CCDC171: variants seen among roughly 807,000 people sequenced by gnomAD.
CCDC171 encodes the protein coiled-coil domain-containing protein 171.
CCDC171 carries 177 observed loss-of-function variants against 168.2 expected under a neutral mutation model. That is an observed-to-expected ratio of 1.05 (90% CI 0.93 to 1.19). The LOEUF is 1.19. CCDC171 is among the 50% of genes most tolerant of loss of function. The probability of loss-of-function intolerance (pLI) is 0.00; values close to 1 mark genes in which losing one functional copy is unlikely to be tolerated. For synonymous variants in CCDC171, 687 were observed against 540.8 expected (o/e 1.27, Z -3.75); for missense variants, 1,991 against 1,539.0 (o/e 1.29, Z -4.91).
chr9:16,097,957 C>G, the CCDC171 span, among the ~76,000 whole-genome samples: 1 of 152,168 alleles, frequency 6.6e-6, no homozygotes, highest in African/African-American at 2.4e-5. Context: ...CAGTCAGCTT[C>G]ATGTTAGGAA....
intron 9 of CCDC171, among the ~76,000 whole-genome samples, chr9:15,669,952 T>TAAAAAAAAAAA (rs34465887): frequency 8.9e-6 from 1 of 112,328 alleles, no homozygotes; most frequent in Non-Finnish European, 1.8e-5. Flanking sequence ...GCTGAAGTCT[T>TAAAAAAAAAAA]AAAAAAAAAA....
chr9:15,939,506 T>C (rs2132268900), intron 25 of CCDC171, among the ~76,000 whole-genome samples: 1 of 151,992 alleles, frequency 6.6e-6, no homozygotes, highest in Non-Finnish European at 1.5e-5. Flanking sequence ...CAAAAGAGTT[T>C]AAATTGGTCA....
intron 6 of CCDC171, among the ~76,000 whole-genome samples, chr9:15,597,724 C>A (rs576519127): frequency 6.6e-6 from 1 of 152,112 alleles, no homozygotes; most frequent in Non-Finnish European, 1.5e-5. Context: ...GGAATGGTAC[C>A]AGCTCCTCCT....
At position 15,623,374 on chromosome 9, in the gene CCDC171, T is replaced by C; in HGVS notation, c.783T>C (p.Phe261=). ...GGCGACAAACAAGTGAACTTGAATT[T>C]AGCACTCAACGAGAGGAACGCCTTA... ...LLRRQTSELE[F]STQREERLRK... Residue 261 remains phenylalanine, a synonymous_variant, in exon 7 of 26, where the codon TTT becomes TTC. Coordinates refer to ENST00000380701, the MANE Select transcript of CCDC171 (RefSeq NM_173550.4). 1 of 1,612,338 alleles carries C rather than the reference T, an allele frequency of 6.2e-7. No homozygotes were observed. The highest frequency in any genetic ancestry group is 8.5e-7 in the Non-Finnish European group (1 of 1,178,972).
intron 21 of CCDC171, among the ~76,000 whole-genome samples, chr9:15,817,601 C>T (rs1299918612): frequency 1.7e-5 from 2 of 118,338 alleles, no homozygotes; most frequent in South Asian, 2.8e-4. Flanking sequence ...TCATTGCTAG[C>T]ACAGCAGTCT....
chr9:15,857,934 G>C (rs1230390307), intron 23 of CCDC171, among the ~76,000 whole-genome samples: 4 of 151,064 alleles, frequency 2.6e-5, no homozygotes, highest in Non-Finnish European at 5.9e-5. Context: ...CTATAGTTTT[G>C]ATATATATAT....
At chr9:16,065,703 C>T (rs1455110905), downstream of CCDC171, among the ~76,000 whole-genome samples, 8 of 152,036 alleles carry the variant, frequency 5.3e-5, no homozygotes, top group African/African-American at 9.7e-5. Context: ...AATCATGGGC[C>T]ACTTGTCCCT....
intron 10 of CCDC171, among the ~76,000 whole-genome samples, chr9:15,692,013 A>T (rs186192508): frequency 6.6e-6 from 1 of 152,218 alleles, no homozygotes; most frequent in Non-Finnish European, 1.5e-5. Flanking sequence ...TAATTTCCAG[A>T]AGTCTCTATC....
At chr9:16,091,491 A>T in the CCDC171 span, among the ~76,000 whole-genome samples, 1 of 152,208 alleles carries the variant, frequency 6.6e-6, no homozygotes, top group Non-Finnish European at 1.5e-5. Context: ...GTAGGAGCTG[A>T]CAAAGCACCA....
chr9:16,042,731 C>A (rs531424199), upstream of CCDC171: 3 of 152,144 alleles, frequency 2.0e-5, no homozygotes, highest in Middle Eastern at 0.01. Context: ...TGTCCAGGAA[C>A]AAAAGAGAGA....
At position 15,652,351 on chromosome 9, in the gene CCDC171, C is replaced by T. The variant is rs192633856; in HGVS notation, c.823-4776C>T. ...GTCAAAAATAAATTGACCACCCATT[C>T]ATGAGTTTATTTCTGGACTGTCAGT... is the stretch of plus-strand genomic sequence containing the variant. On this transcript the variant is annotated intron_variant, in intron 7 of 25. Transcript: ENST00000380701. Among the ~76,000 whole-genome samples the T allele has an allele frequency of 1.3e-3, 196 of 152,142 alleles. 1 individual carries two copies. Among genetic ancestry groups the T allele is most frequent in the Non-Finnish European group, 2.4e-3 (166 of 68,002 alleles).
At chr9:15,943,133 A>G (rs934265686) in intron 25 of CCDC171, among the ~76,000 whole-genome samples, 2 of 151,944 alleles carry the variant, frequency 1.3e-5, no homozygotes, top group East Asian at 1.9e-4. Flanking sequence ...TCTATATTAC[A>G]TGTGTGTTTC....
At position 15,564,788 on chromosome 9, in the gene CCDC171, T is replaced by C. The variant is rs192430093; in HGVS notation, c.41+659T>C. Among the ~76,000 whole-genome samples the C allele has an allele frequency of 1.1e-3, 160 of 152,378 alleles. 1 individual carries two copies. The highest frequency in any genetic ancestry group is 3.5e-3 in the African/African-American group (147 of 41,594). ...AAGTACTGAAATTAAAAGTAAATGT[T>C]TAGAAACTTTTATAGTCATGTAACA... On this transcript the variant is annotated intron_variant, in intron 2 of 25. Coordinates refer to ENST00000380701, the MANE Select transcript of CCDC171 (RefSeq NM_173550.4).
chr9:16,085,125 T>G, the CCDC171 span, among the ~76,000 whole-genome samples: 2 of 152,306 alleles, frequency 1.3e-5, no homozygotes, highest in African/African-American at 4.8e-5. Context: ...TGTCAGCCTG[T>G]GCCAGGCAGG....
At chr9:15,680,527 G>A (rs903916986) in intron 10 of CCDC171, among the ~76,000 whole-genome samples, 2 of 152,108 alleles carry the variant, frequency 1.3e-5, no homozygotes, top group Non-Finnish European at 2.9e-5. Context: ...ACTCTTCAGT[G>A]TTTTTTCAGA....
At chr9:16,068,069 G>A in the CCDC171 span, among the ~76,000 whole-genome samples, 3 of 149,952 alleles carry the variant, frequency 2.0e-5, no homozygotes, top group Non-Finnish European at 4.4e-5. Context: ...CATTGTCTCA[G>A]CCCAAAATCT....
chr9:15,796,572 T>A lies in CCDC171; in HGVS notation c.3267+11878T>A, dbSNP rs184944451. On this transcript the variant is annotated intron_variant, in intron 21 of 25. Transcript: ENST00000380701. ...AATGTACACTTAAAATATATATAGC[T>A]CAGTGCCTTTTGACAAATGTATACA... Among the ~76,000 whole-genome samples the A allele has an allele frequency of 1.1e-4, 16 of 152,348 alleles. No homozygotes were observed. The East Asian group carries it at 3.1e-3, about 29-fold the overall frequency.
intron 21 of CCDC171, among the ~76,000 whole-genome samples, chr9:15,800,256 C>A (rs1347365222): frequency 6.6e-6 from 1 of 151,988 alleles, no homozygotes; most frequent in Non-Finnish European, 1.5e-5. Flanking sequence ...GTTCTTTTTT[C>A]TCCCTTGTGC....
chr9:15,828,333 G>GAAAA (rs71325935), intron 21 of CCDC171, among the ~76,000 whole-genome samples: 1 of 147,796 alleles, frequency 6.8e-6, no homozygotes, highest in African/African-American at 2.5e-5. Flanking sequence ...AGAAGATACA[G>GAAAA]AAAAAAAAAA....
Sources: gnomAD v4.1 joint callset for allele counts (sites outside exome capture counted in the v4.1 genomes callset) on GRCh38, gnomAD v4.1.1 for gene constraint, MANE v1.5 for transcripts, NCBI Gene and HGNC (gene_info 2026-07-23, HGNC 2026-07-21) for gene names.